The following EIF2B1 variants were observed in gnomAD, a reference collection of about 807,000 sequenced individuals.
The protein encoded by EIF2B1 is translation initiation factor eIF2B subunit alpha.
EIF2B1 carries 30 observed loss-of-function variants against 36.8 expected under a neutral mutation model. The observed-to-expected ratio is 0.81, with a 90% confidence interval of 0.61 to 1.10. The LOEUF is 1.10. Ranked by LOEUF, EIF2B1 falls within the 50% of genes least tolerant of loss-of-function variation. The pLI is 0.00. For missense variants in EIF2B1, 271 were observed against 374.8 expected (o/e 0.72, Z 2.29); for synonymous variants, 139 against 142.2 (o/e 0.98, Z 0.16).
intron 4 of EIF2B1, among the ~76,000 whole-genome samples, chr12:123,628,697 G>A (rs1160127799): frequency 6.6e-6 from 1 of 152,080 alleles, no homozygotes; most frequent in Non-Finnish European, 1.5e-5. Context: ...GAGTGCAGAA[G>A]ACAGAATAAG....
At chr12:123,624,905 T>A (rs750039422) in intron 6 of EIF2B1, 43 bp from the exon 7 acceptor site, 3 of 1,533,080 alleles carry the variant, frequency 2.0e-6, no homozygotes, top group Non-Finnish European at 2.7e-6. Context: ...TTCTTGGCTC[T>A]AACGAGTAGC....
At chr12:123,632,945 CAAAAAA>C (rs4040224) in intron 1 of EIF2B1, among the ~76,000 whole-genome samples, 1 of 75,138 alleles carries the variant, frequency 1.3e-5, no homozygotes, top group Non-Finnish European at 2.4e-5. Flanking sequence ...GACTCCGTCT[CAAAAAA>C]AAAAAAAAAA....
chr12:123,633,656 G>C lies in EIF2B1; in HGVS notation c.-99C>G. On this transcript the variant is annotated 5_prime_UTR_variant, in exon 1 of 9. Coordinates refer to ENST00000424014, the MANE Select transcript of EIF2B1 (RefSeq NM_001414.4). Reference sequence around the variant, plus strand: ...CGCCTGCGAGCCAGTCTGACAGCGCGCTGCACACCTCCGCACCCCACTTCC... The same window carrying C: ...CGCCTGCGAGCCAGTCTGACAGCGCCCTGCACACCTCCGCACCCCACTTCC... The C allele has an allele frequency of 5.8e-6, 9 of 1,558,002 alleles. No homozygotes were observed. Among genetic ancestry groups the C allele is most frequent in the Non-Finnish European group, 7.9e-6 (9 of 1,142,874 alleles).
rs1955179136 is a variant in EIF2B1, at chr12:123,630,406, C to T, written c.243G>A (p.Leu81=). ...LFLRFISLAS[L]EYSDYSKCKK... ...GAGAACAGGCACTTACGGAGTATTC[C>T]AGGGAGGCAAGACTGATGAAGCGGA... The change falls in exon 3 of 9, where the codon CTG becomes CTA. Residue 81 remains leucine (L), a synonymous_variant. Coordinates refer to ENST00000424014, the MANE Select transcript of EIF2B1 (RefSeq NM_001414.4). The surrounding 1 kb of genome is among the most constrained non-coding windows in gnomAD (Gnocchi z 4.6). 6.2e-7 allele frequency: 1 copy of T among 1,613,990 alleles called. No homozygotes were observed. Among genetic ancestry groups the T allele is most frequent in the Non-Finnish European group, 8.5e-7 (1 of 1,180,028 alleles).
chr12:123,626,982 T>C, intron 5 of EIF2B1, 62 bp downstream of exon 5: 1 of 1,467,776 alleles, frequency 6.8e-7, no homozygotes, highest in East Asian at 2.3e-5. Flanking sequence ...TGTTGGACTG[T>C]AATCCGCAGT....
At position 123,621,309 on chromosome 12, in the gene EIF2B1, T is replaced by G; in HGVS notation, c.*447A>C. The G allele has an allele frequency of 3.8e-6, 1 of 265,730 alleles. No individual in the cohort carries two copies. Among genetic ancestry groups the G allele is most frequent in the Non-Finnish European group, 7.4e-6 (1 of 134,650 alleles). 16.5% of individuals were successfully genotyped at this position (265,730 alleles called of 1,614,324 possible). ...AAGCCAGATGCAGATTCAGCAAGTG[T>G]TTCTTGCCTCTTACAAGGCACCGCG... On this transcript the variant is annotated 3_prime_UTR_variant, in exon 9 of 9. Coordinates refer to ENST00000424014, the MANE Select transcript of EIF2B1 (RefSeq NM_001414.4).
chr12:123,632,757 TA>T (rs566292680), intron 1 of EIF2B1, among the ~76,000 whole-genome samples: 1 of 151,658 alleles, frequency 6.6e-6, no homozygotes, highest in South Asian at 2.1e-4. Context: ...CCATCCCGGC[TA>T]AAACGGTGAA....
chr12:123,626,980 T>C (rs757469834), intron 5 of EIF2B1, 64 bp downstream of exon 5: 6 of 1,452,112 alleles, frequency 4.1e-6, no homozygotes, highest in Non-Finnish European at 5.8e-6. Flanking sequence ...CCTGTTGGAC[T>C]GTAATCCGCA....
At chr12:123,632,929 G>A (rs552809462) in intron 1 of EIF2B1, among the ~76,000 whole-genome samples, 2 of 137,646 alleles carry the variant, frequency 1.5e-5, no homozygotes, top group Admixed American at 1.5e-4. Flanking sequence ...CTGGGTGACA[G>A]AGCGAGACTC....
Position 123,622,771 on chromosome 12 carries a change from C to T in EIF2B1, c.628-10G>A, listed in dbSNP as rs374863786. 1.3e-5 allele frequency: 21 copies of T among 1,613,464 alleles called. No individual in the cohort carries two copies. Among genetic ancestry groups the T allele is most frequent in the Non-Finnish European group, 1.7e-5 (20 of 1,179,584 alleles). On this transcript the variant is annotated splice_polypyrimidine_tract_variant and intron_variant, in intron 7 of 8. Transcript: ENST00000424014. ...TCTGGTTGGTTCCAATCTGGGAAGG[C>T]AGAAAATGGAATGGATGAGCTCTAG...
chr12:123,629,313 G>A (rs1432438327), intron 4 of EIF2B1, among the ~76,000 whole-genome samples: 2 of 152,196 alleles, frequency 1.3e-5, no homozygotes, highest in African/African-American at 4.8e-5. Flanking sequence ...TAAACACTGC[G>A]TGGCTTTACA....
rs771871592 is a variant in EIF2B1 at position 123,622,626 on chromosome 12, A to T, written c.753+10T>A. The stretch of plus-strand genomic sequence containing the variant: ...ACTTTAGTACCCCTTCAAATATGTA[A>T]AACTCTTGCCTTAAACTTATCTGGG... On this transcript the variant is annotated intron_variant, in intron 8 of 8. Transcript: ENST00000424014. 2 of 1,614,016 alleles carry T rather than the reference A, an allele frequency of 1.2e-6. No individual in the cohort carries two copies. Among genetic ancestry groups the T allele is most frequent in the Non-Finnish European group, 8.5e-7 (1 of 1,179,862 alleles).
chr12:123,624,766 G>T, intron 7 of EIF2B1, 21 bp downstream of exon 7: 1 of 1,608,644 alleles, frequency 6.2e-7, no homozygotes, highest in South Asian at 1.1e-5. Context: ...GCAGGGAACT[G>T]GGGAGAACTG....
chr12:123,629,970 C>T (rs1049401968), intron 4 of EIF2B1, 199 bp downstream of exon 4: 3 of 639,720 alleles, frequency 4.7e-6, no homozygotes, highest in Admixed American at 2.4e-5. Flanking sequence ...ACATGTCTTG[C>T]CTCATTTAAT....
At chr12:123,632,290 A>G (rs1955198633) in intron 2 of EIF2B1, 55 bp downstream of exon 2, 3 of 1,184,852 alleles carry the variant, frequency 2.5e-6, no homozygotes, top group Non-Finnish European at 3.7e-6. Context: ...AAAAAAGAAA[A>G]GAAAAAAAAG....
rs1377682013 is a variant in EIF2B1 at position 123,630,017 on chromosome 12, T to C, written c.369+152A>G. ...CCCAAGGAGGTAGGTACTATTGTCATCCTTATTTAACAGATGAGAAAGCTG... is the reference window on the plus strand; with the variant it reads ...CCCAAGGAGGTAGGTACTATTGTCACCCTTATTTAACAGATGAGAAAGCTG... On this transcript the variant is annotated intron_variant, in intron 4 of 8. Transcript: ENST00000424014. The surrounding 1 kb of genome is among the most constrained non-coding windows in gnomAD (Gnocchi z 4.6). The C allele has an allele frequency of 1.3e-6, 1 of 748,724 alleles. No individual in the cohort carries two copies. Among genetic ancestry groups the C allele is most frequent in the East Asian group, 2.6e-5 (1 of 38,566 alleles). 46.4% of individuals were successfully genotyped at this position (748,724 alleles called of 1,614,324 possible).
At chr12:123,633,492 G>A in intron 1 of EIF2B1, 53 bp downstream of exon 1, 3 of 1,612,958 alleles carry the variant, frequency 1.9e-6, no homozygotes, top group Non-Finnish European at 2.5e-6. Context: ...AGGTTGGGGG[G>A]ACCCCTGAAC....
In EIF2B1 at chr12:123,620,608, ATATATATATAT is replaced by A. The variant is rs1566211213; in HGVS notation, c.*1137_*1147del. The A allele has an allele frequency of 2.6e-3, 198 of 76,582 alleles. 6 individuals carry two copies. Among genetic ancestry groups the A allele is most frequent in the African/African-American group, 7.3e-3 (180 of 24,676 alleles). The allele number at this position is 76,582 out of a possible 1,614,324, so 4.7% of individuals were successfully genotyped here. A position where few individuals can be genotyped will look rare whatever the true frequency, so the allele number is the denominator to read the frequency against. ...TATATATATATATATATATATATAT[ATATATATATAT>A]ATATATATAAGCTCTTTTTTCTGAG... On this transcript the variant is annotated 3_prime_UTR_variant, in exon 9 of 9. Coordinates refer to ENST00000424014, the MANE Select transcript of EIF2B1 (RefSeq NM_001414.4).
chr12:123,626,849 C>A, intron 5 of EIF2B1, 195 bp downstream of exon 5: 1 of 710,026 alleles, frequency 1.4e-6, no homozygotes. Flanking sequence ...TTAAGTGAAA[C>A]CCCTAGATCA....
Sources: gnomAD v4.1 joint callset for allele counts (sites outside exome capture counted in the v4.1 genomes callset) on GRCh38, gnomAD v4.1.1 for gene constraint, Gnocchi (gnomAD v3.1) non-coding constraint, MANE v1.5 for transcripts, NCBI Gene and HGNC (gene_info 2026-07-23, HGNC 2026-07-21) for gene names.